The following EPB41L4A variants were observed in gnomAD, a reference collection of about 807,000 sequenced individuals.
The protein encoded by EPB41L4A is erythrocyte membrane protein band 4.1 like 4A.
Under a neutral mutation model 108.6 loss-of-function variants are expected in EPB41L4A, and 100 were observed. The ratio of observed to expected loss-of-function variants is 0.92; its 90% CI spans 0.78 to 1.09. The LOEUF (loss-of-function observed/expected upper bound fraction) is 1.09, where lower values mean the gene tolerates loss of function less well. Among genes scored for constraint, EPB41L4A ranks in the 50% least tolerant of loss-of-function variants. The pLI is 0.00. For synonymous variants in EPB41L4A, 319 were observed against 289.0 expected (o/e 1.10, Z -1.05); for missense variants, 1,030 against 842.7 (o/e 1.22, Z -2.75).
chr5:112,296,502 T>C (rs1753991555), intron 2 of EPB41L4A, among the ~76,000 whole-genome samples: 2 of 151,936 alleles, frequency 1.3e-5, no homozygotes, highest in Admixed American at 1.3e-4. Flanking sequence ...AAAGGTAGAG[T>C]TGGAATCATT....
intron 9 of EPB41L4A, among the ~76,000 whole-genome samples, chr5:112,244,060 A>G (rs1416586545): frequency 6.6e-6 from 1 of 152,190 alleles, no homozygotes; most frequent in Non-Finnish European, 1.5e-5. Flanking sequence ...CTTCCTCACT[A>G]AGCTTAATCA....
rs567373107 is a variant in EPB41L4A, at chr5:112,289,559, GCA to G, written c.205-9238_205-9237del. ...TGCCTGTCTTCTGAGACTTGGTCAT[GCA>G]CAGTGACCATGCTCCTTCTGGTATC... is the stretch of plus-strand genomic sequence containing the variant. On this transcript the variant is annotated intron_variant, in intron 2 of 22. Coordinates refer to ENST00000261486, the MANE Select transcript of EPB41L4A (RefSeq NM_022140.5). Among the ~76,000 whole-genome samples the G allele has an allele frequency of 5.8e-3, 878 of 152,298 alleles. 8 individuals carry two copies. The highest frequency in any genetic ancestry group is 0.015 in the South Asian group (72 of 4,824).
intron 1 of EPB41L4A, among the ~76,000 whole-genome samples, chr5:112,349,102 C>T (rs535400606): frequency 1.3e-5 from 2 of 152,218 alleles, no homozygotes; most frequent in Admixed American, 6.5e-5. Context: ...AATCTGGCAT[C>T]GGAAGGTTGG....
intron 1 of EPB41L4A, among the ~76,000 whole-genome samples, chr5:112,394,780 C>T (rs1009675468): frequency 2.0e-5 from 3 of 152,164 alleles, no homozygotes; most frequent in African/African-American, 2.4e-5. Context: ...CCCACATTGC[C>T]AAGACAATCC....
At chr5:112,171,308 T>G (rs926222909) in intron 18 of EPB41L4A, among the ~76,000 whole-genome samples, 6 of 152,242 alleles carry the variant, frequency 3.9e-5, no homozygotes, top group Non-Finnish European at 7.3e-5. Flanking sequence ...TCAGGGCGTC[T>G]GTTTCTGATC....
At chr5:112,375,618 T>G (rs977054121) in intron 1 of EPB41L4A, among the ~76,000 whole-genome samples, 1 of 152,192 alleles carries the variant, frequency 6.6e-6, no homozygotes, top group African/African-American at 2.4e-5. Flanking sequence ...GTCATAAACA[T>G]GCTAAATGAA....
chr5:112,410,933 G>C (rs183832757), intron 1 of EPB41L4A, among the ~76,000 whole-genome samples: 1 of 152,294 alleles, frequency 6.6e-6, no homozygotes, highest in Admixed American at 6.5e-5. Context: ...CAAGATAGCA[G>C]AGCAAGGATG....
At chr5:112,174,911 G>A (rs1760783146) in intron 18 of EPB41L4A, among the ~76,000 whole-genome samples, 1 of 152,064 alleles carries the variant, frequency 6.6e-6, no homozygotes, top group Non-Finnish European at 1.5e-5. Flanking sequence ...ATTCCTGACG[G>A]GTCAAAATAA....
chr5:112,295,480 C>T (rs1753928834), intron 2 of EPB41L4A, among the ~76,000 whole-genome samples: 1 of 152,184 alleles, frequency 6.6e-6, no homozygotes, highest in African/African-American at 2.4e-5. Flanking sequence ...AAGATTAGGA[C>T]ATTATGCTAA....
intron 1 of EPB41L4A, among the ~76,000 whole-genome samples, chr5:112,347,054 G>A (rs955763319): frequency 8.8e-6 from 1 of 113,600 alleles, no homozygotes; most frequent in East Asian, 2.6e-4. Flanking sequence ...AACCACAACA[G>A]TGCTCAGTGT....
chr5:112,302,675 C>T (rs1490747931), intron 2 of EPB41L4A, among the ~76,000 whole-genome samples: 1 of 152,160 alleles, frequency 6.6e-6, no homozygotes, highest in Non-Finnish European at 1.5e-5. Context: ...GGTTTGAACC[C>T]ATACAGTCTG....
chr5:112,235,059 G>A (rs1448989877), intron 11 of EPB41L4A, among the ~76,000 whole-genome samples: 1 of 152,168 alleles, frequency 6.6e-6, no homozygotes, highest in Non-Finnish European at 1.5e-5. Flanking sequence ...AGTCTTTAAG[G>A]TCACTAAATA....
At position 112,317,711 on chromosome 5, in the gene EPB41L4A, G is replaced by C. The variant is rs1243294887; in HGVS notation, c.100-10221C>G. Among the ~76,000 whole-genome samples, 5 of 152,268 alleles carry C rather than the reference G, an allele frequency of 3.3e-5. No homozygotes were observed. In the East Asian group the frequency reaches 9.6e-4, roughly 29 times the overall value. On this transcript the variant is annotated intron_variant, in intron 1 of 22. Transcript: ENST00000261486. ...ACTTTCTGTTAAGCTAGATATCATA[G>C]TTGCAAAAATGTAAAAACAAGGTCA...
At chr5:112,297,264 G>C (rs1426725162) in intron 2 of EPB41L4A, among the ~76,000 whole-genome samples, 1 of 152,100 alleles carries the variant, frequency 6.6e-6, no homozygotes, top group Non-Finnish European at 1.5e-5. Context: ...CAGCAGTGCA[G>C]AAGTGTTCCC....
intron 12 of EPB41L4A, among the ~76,000 whole-genome samples, chr5:112,226,644 G>C (rs946714522): frequency 6.6e-6 from 1 of 152,004 alleles, no homozygotes; most frequent in Non-Finnish European, 1.5e-5. Context: ...GAGGGCTGGA[G>C]AGCAGTGAAG....
At chr5:112,244,634 G>T (rs1241792381) in intron 9 of EPB41L4A, among the ~76,000 whole-genome samples, 1 of 152,128 alleles carries the variant, frequency 6.6e-6, no homozygotes, top group Non-Finnish European at 1.5e-5. Flanking sequence ...GGGGAAGGCT[G>T]GTCACCCTAC....
intron 1 of EPB41L4A, among the ~76,000 whole-genome samples, chr5:112,309,313 A>G (rs999551773): frequency 6.6e-6 from 1 of 152,144 alleles, no homozygotes; most frequent in Non-Finnish European, 1.5e-5. Context: ...TTTGATATCC[A>G]TCTTTCTTTT....
intron 1 of EPB41L4A, among the ~76,000 whole-genome samples, chr5:112,358,061 G>A (rs1239656999): frequency 1.3e-5 from 2 of 152,138 alleles, no homozygotes; most frequent in African/African-American, 4.8e-5. Context: ...TCTCATGAAC[G>A]CTGACCTGGC....
intron 5 of EPB41L4A, 35 bp from the exon 6 acceptor site, chr5:112,265,051 T>C (rs1751758204): frequency 6.6e-7 from 1 of 1,516,146 alleles, no homozygotes. Context: ...TTTTCCATTT[T>C]AGGAAAATAG....
Sources: allele counts gnomAD v4.1 joint callset (sites outside exome capture counted in the v4.1 genomes callset), GRCh38; gene constraint gnomAD v4.1.1; transcripts MANE v1.5; gene names NCBI Gene and HGNC (gene_info 2026-07-23, HGNC 2026-07-21).